The following SMIM41 variants were observed in gnomAD, a reference collection of about 807,000 sequenced individuals.
The protein encoded by SMIM41 is small integral membrane protein 41.
At chr12:52,107,300 C>T (rs753953437) in intron 2 of SMIM41, 79 bp from the exon 3 acceptor site, 47 of 439,174 alleles carry the variant, frequency 1.1e-4, no homozygotes, top group African/African-American at 2.8e-4. Context: ...GATTTCTCAA[C>T]GCTCTTTTCT....
At chr12:52,096,963 C>T (rs1363840932) in intron 2 of SMIM41, among the ~76,000 whole-genome samples, 2 of 151,982 alleles carry the variant, frequency 1.3e-5, no homozygotes, top group East Asian at 3.9e-4. Context: ...GGGGAGAGGA[C>T]GGTATTAATC....
chr12:52,094,252 G>C (rs1350676281), intron 2 of SMIM41, among the ~76,000 whole-genome samples: 2 of 148,124 alleles, frequency 1.4e-5, no homozygotes, highest in Non-Finnish European at 3.0e-5. Flanking sequence ...CTGGAGTGCA[G>C]TGGCAGCACA....
At position 52,079,869 on chromosome 12, in the gene SMIM41, G is replaced by A. The variant is rs1420119368; in HGVS notation, c.90G>A (p.Glu30=). The A allele has an allele frequency of 1.0e-5, 4 of 391,170 alleles. No homozygotes were observed. The Admixed American group carries it at 1.3e-4, about 13-fold the overall frequency. The allele number at this position is 391,170 out of a possible 1,614,324, so 24.2% of individuals were successfully genotyped here. The change falls in exon 1 of 3, where the codon GAG becomes GAA. Residue 30 remains glutamate (E), a synonymous_variant. Coordinates refer to ENST00000546390, the MANE Select transcript of SMIM41 (RefSeq NM_001369216.1). The part of the protein sequence containing the change: ...NQSASPPEPP[E]GPRAVQAVVL... Reference sequence around the variant, plus strand: ...CGGCGTCGCCGCCGGAGCCCCCCGAGGGGCCGCGCGCGGTGCAGGCGGTGG... The same window carrying A: ...CGGCGTCGCCGCCGGAGCCCCCCGAAGGGCCGCGCGCGGTGCAGGCGGTGG...
At chr12:52,099,378 C>G (rs1940169276) in intron 2 of SMIM41, among the ~76,000 whole-genome samples, 1 of 151,948 alleles carries the variant, frequency 6.6e-6, no homozygotes, top group Non-Finnish European at 1.5e-5. Context: ...TAATATCATC[C>G]TCTCTCCCCC....
chr12:52,103,759 T>A (rs944341053), intron 2 of SMIM41, among the ~76,000 whole-genome samples: 6 of 144,768 alleles, frequency 4.1e-5, no homozygotes, highest in South Asian at 2.1e-4. Context: ...CTCCAGTAAA[T>A]AAATAAATAA....
chr12:52,082,964 G>C (rs1222212052), intron 1 of SMIM41, among the ~76,000 whole-genome samples: 1 of 152,128 alleles, frequency 6.6e-6, no homozygotes, highest in African/African-American at 2.4e-5. Flanking sequence ...TGACAGACTG[G>C]GAGATACCTG....
intron 2 of SMIM41, among the ~76,000 whole-genome samples, chr12:52,101,805 T>C (rs1173408677): frequency 6.6e-6 from 1 of 151,974 alleles, no homozygotes; most frequent in Non-Finnish European, 1.5e-5. Flanking sequence ...CTCTGCCTCC[T>C]GGGTTCAAGT....
rs1939820244 is a variant in SMIM41 at position 52,081,569 on chromosome 12, G to A, written c.*120+1388G>A. ...AGGGTTGTCCAGGGCCCTGAGGCGT[G>A]TGTGTAGTGTGTCTGTTACTGCACC... is the stretch of plus-strand genomic sequence containing the variant. On this transcript the variant is annotated intron_variant, in intron 1 of 2. Coordinates refer to ENST00000546390, the MANE Select transcript of SMIM41 (RefSeq NM_001369216.1). The surrounding 1 kb of genome is among the most constrained non-coding windows in gnomAD (Gnocchi z 4.1). Among the ~76,000 whole-genome samples, 1 of 152,114 alleles carries A rather than the reference G, an allele frequency of 6.6e-6. No individual in the cohort carries two copies.
intron 2 of SMIM41, among the ~76,000 whole-genome samples, chr12:52,084,492 T>C (rs956859667): frequency 6.6e-6 from 1 of 151,420 alleles, no homozygotes; most frequent in African/African-American, 2.4e-5. Flanking sequence ...GAAGTTAAAG[T>C]AGACAATGAA....
At chr12:52,103,582 A>T (rs901584708) in intron 2 of SMIM41, among the ~76,000 whole-genome samples, 2 of 151,914 alleles carry the variant, frequency 1.3e-5, no homozygotes, top group African/African-American at 4.8e-5. Context: ...AATATGGTGA[A>T]AGCTTGTCTC....
chr12:52,103,760 A>C lies in SMIM41; in HGVS notation c.*196-3619A>C, dbSNP rs1433715655. On this transcript the variant is annotated intron_variant, in intron 2 of 2. Coordinates refer to ENST00000546390, the MANE Select transcript of SMIM41 (RefSeq NM_001369216.1). ...CAGAGAAAGACTGTCTCCAGTAAAT[A>C]AATAAATAAATAAATAAACACGGTA... Among the ~76,000 whole-genome samples, 3 of 152,128 alleles carry C rather than the reference A, an allele frequency of 2.0e-5. No homozygotes were observed. In the East Asian group the frequency reaches 5.8e-4, roughly 29 times the overall value.
intron 2 of SMIM41, among the ~76,000 whole-genome samples, chr12:52,102,752 T>C (rs576232293): frequency 1.3e-5 from 2 of 152,240 alleles, no homozygotes; most frequent in African/African-American, 2.4e-5. Flanking sequence ...TCGAATATGA[T>C]TGGAGGGAAT....
intron 2 of SMIM41, among the ~76,000 whole-genome samples, chr12:52,100,747 A>G (rs1940202753): frequency 6.7e-6 from 1 of 149,964 alleles, no homozygotes; most frequent in Non-Finnish European, 1.5e-5. Context: ...TGCTGGGATT[A>G]CAGGCGTGAG....
intron 2 of SMIM41, among the ~76,000 whole-genome samples, chr12:52,097,484 A>G (rs1940120991): frequency 6.6e-6 from 1 of 152,060 alleles, no homozygotes; most frequent in Admixed American, 6.5e-5. Flanking sequence ...GCTGATGCGC[A>G]GAGTGATATC....
intron 2 of SMIM41, among the ~76,000 whole-genome samples, chr12:52,090,379 G>A (rs1025133393): frequency 2.0e-5 from 3 of 151,430 alleles, no homozygotes; most frequent in Admixed American, 1.3e-4. Context: ...CACTGTGCCC[G>A]GCCAAGAAAG....
chr12:52,090,056 G>A (rs1488958143), intron 2 of SMIM41, among the ~76,000 whole-genome samples: 1 of 151,368 alleles, frequency 6.6e-6, no homozygotes, highest in African/African-American at 2.4e-5. Context: ...CCAAGAAGGT[G>A]TTGTTTGTTT....
At position 52,107,846 on chromosome 12, in the gene SMIM41, A is replaced by T; in HGVS notation, c.*663A>T. 1 of 349,610 alleles carries T rather than the reference A, an allele frequency of 2.9e-6. No individual in the cohort carries two copies. Among genetic ancestry groups the T allele is most frequent in the South Asian group, 2.3e-5 (1 of 43,542 alleles). 21.7% of individuals were successfully genotyped at this position (349,610 alleles called of 1,614,324 possible). ...ATTGCCTTACTAATGACCTGCTTCA[A>T]GGAGGTGGACATTCCTAATTTCTTC... is the stretch of plus-strand genomic sequence containing the variant. On this transcript the variant is annotated 3_prime_UTR_variant, in exon 3 of 3. Transcript: ENST00000546390.
At chr12:52,091,470 A>T (rs1385731803) in intron 2 of SMIM41, among the ~76,000 whole-genome samples, 1 of 152,190 alleles carries the variant, frequency 6.6e-6, no homozygotes, top group Non-Finnish European at 1.5e-5. Flanking sequence ...TTGCAAATAA[A>T]TCTGGCTCAA....
chr12:52,106,098 T>G (rs1193818263), intron 2 of SMIM41, among the ~76,000 whole-genome samples: 1 of 152,260 alleles, frequency 6.6e-6, no homozygotes, highest in East Asian at 1.9e-4. Context: ...AAATATCCCC[T>G]GACCTGAAGT....
Sources: gnomAD v4.1 joint callset for allele counts (sites outside exome capture counted in the v4.1 genomes callset) on GRCh38, gnomAD v4.1.1 for gene constraint, Gnocchi (gnomAD v3.1) non-coding constraint, MANE v1.5 for transcripts, NCBI Gene and HGNC (gene_info 2026-07-23, HGNC 2026-07-21) for gene names.